LRP2: variants seen among roughly 807,000 people sequenced by gnomAD.
LRP2 encodes LDL receptor related protein 2.
Under a neutral mutation model 531.0 loss-of-function variants are expected in LRP2, and 172 were observed. The observed-to-expected ratio is 0.32, with a 90% CI of 0.29 to 0.37. The LOEUF is 0.37. LRP2 is among the 10% of genes least tolerant of loss of function. The pLI, the probability that LRP2 is intolerant of heterozygous loss-of-function variation, is 1.00. For synonymous variants in LRP2, 1,992 were observed against 2,027.6 expected, an observed-to-expected ratio of 0.98 and a Z score of 0.47; for missense variants, 5,167 against 5,868.3, an observed-to-expected ratio of 0.88 and a Z score of 3.90.
At chr2:169,200,908 C>G (rs955226762) in intron 44 of LRP2, among the ~76,000 whole-genome samples, 1 of 152,112 alleles carries the variant, frequency 6.6e-6, no homozygotes, top group Non-Finnish European at 1.5e-5. Flanking sequence ...CAGGCTGACA[C>G]CAGAATCCAC....
intron 4 of LRP2, among the ~76,000 whole-genome samples, chr2:169,303,216 T>A (rs1406338937): frequency 1.3e-5 from 2 of 152,106 alleles, no homozygotes; most frequent in Non-Finnish European, 2.9e-5. Flanking sequence ...CTAAAAAAGG[T>A]TTAGACAATA....
Position 169,237,277 on chromosome 2 carries a change from C to T in LRP2, c.4517G>A (p.Ser1506Asn). 6.2e-7 allele frequency: 1 copy of T among 1,612,158 alleles called. No homozygotes were observed. Among genetic ancestry groups the T allele is most frequent in the Non-Finnish European group, 8.5e-7 (1 of 1,178,460 alleles). The change falls in exon 28 of 79, where the codon AGT becomes AAT. Residue 1506 changes from serine (S) to asparagine (N), a missense_variant. Transcript: ENST00000649046. Reference protein sequence around the residue: ...NGTDRRVVFDSSIILTETIAI... With the variant: ...NGTDRRVVFDNSIILTETIAI... ...AATAGTTTCAGTCAAGATGATGCTA[C>T]TGTCAAATACCTAAAGACAAAAGTG...
chr2:169,177,669 T>A, intron 53 of LRP2, 134 bp downstream of exon 53: 1 of 822,406 alleles, frequency 1.2e-6, no homozygotes, highest in East Asian at 2.4e-5. Flanking sequence ...CTGTCAACTT[T>A]CAGCATATGC....
intron 48 of LRP2, among the ~76,000 whole-genome samples, chr2:169,189,997 G>T (rs752850137): frequency 6.6e-6 from 1 of 152,142 alleles, no homozygotes; most frequent in Non-Finnish European, 1.5e-5. Context: ...CAGAATGGGA[G>T]GAATAAAGGA....
chr2:169,260,877 A>G (rs1690519127), intron 16 of LRP2, among the ~76,000 whole-genome samples: 2 of 151,828 alleles, frequency 1.3e-5, no homozygotes, highest in South Asian at 4.2e-4. Flanking sequence ...CTAGAAAAAA[A>G]AAAATGATCA....
intron 29 of LRP2, among the ~76,000 whole-genome samples, chr2:169,235,150 G>A (rs149415584): frequency 0.014 from 2,076 of 151,894 alleles, 21 homozygotes; most frequent in South Asian, 0.021. Context: ...GGGCTCAAGC[G>A]ATCCACCAAC....
chr2:169,198,959 T>A (rs189252454), intron 44 of LRP2, 48 bp from the exon 45 acceptor site: 1 of 1,594,200 alleles, frequency 6.3e-7, no homozygotes, highest in Admixed American at 1.7e-5. Flanking sequence ...CCACCAAATA[T>A]GTATTATGAA....
chr2:169,217,773 G>A (rs925459542), intron 34 of LRP2, among the ~76,000 whole-genome samples: 2 of 151,882 alleles, frequency 1.3e-5, no homozygotes, highest in South Asian at 2.1e-4. Context: ...CATAAATTTC[G>A]AATTCCTTCC....
intron 1 of LRP2, among the ~76,000 whole-genome samples, chr2:169,323,167 A>G (rs957739081): frequency 2.0e-5 from 3 of 152,244 alleles, no homozygotes; most frequent in African/African-American, 7.2e-5. Context: ...AGTGATTTTC[A>G]CACTTGATCT....
At position 169,272,807 on chromosome 2, in the gene LRP2, G is replaced by T. The variant is rs1389450907; in HGVS notation, c.2116+120C>A. 4 of 1,288,432 alleles carry T rather than the reference G, an allele frequency of 3.1e-6. No individual in the cohort carries two copies. The Admixed American group carries it at 5.0e-5, about 16-fold the overall frequency. The allele number at this position is 1,288,432 out of a possible 1,614,324, so 79.8% of individuals were successfully genotyped here. On this transcript the variant is annotated intron_variant, in intron 15 of 78. Transcript: ENST00000649046. ...CCTGTGGGCTACAGAAAGCTTATTT[G>T]CAGTCAAGAAGTTAGACAGGGAGCT...
intron 1 of LRP2, among the ~76,000 whole-genome samples, chr2:169,348,561 A>G (rs1451296513): frequency 6.6e-6 from 1 of 152,206 alleles, no homozygotes. Flanking sequence ...TCATGGTCTC[A>G]GACAGCTTTC....
chr2:169,306,320 G>C (rs1684417257), intron 4 of LRP2, among the ~76,000 whole-genome samples: 1 of 152,030 alleles, frequency 6.6e-6, no homozygotes, highest in South Asian at 2.1e-4. Context: ...GATCACCTGA[G>C]GTCAGAAGTT....
rs987857607 is a variant in LRP2 at position 169,200,548 on chromosome 2, C to T, written c.8452+1080G>A. 2.0e-5 allele frequency among the ~76,000 whole-genome samples: 3 copies of T among 152,268 alleles called. No homozygotes were observed. In the East Asian group the frequency reaches 5.8e-4, roughly 29 times the overall value. Reference sequence around the variant, plus strand: ...TGGACAACTGGGCACCAAGAAAAAACAGTTGACAGCACTGTATTAAAACTC... The same window carrying T: ...TGGACAACTGGGCACCAAGAAAAAATAGTTGACAGCACTGTATTAAAACTC... On this transcript the variant is annotated intron_variant, in intron 44 of 78. Transcript: ENST00000649046.
chr2:169,227,719 C>T (rs573244159), intron 31 of LRP2, among the ~76,000 whole-genome samples: 1 of 152,048 alleles, frequency 6.6e-6, no homozygotes, highest in Non-Finnish European at 1.5e-5. Context: ...TTAGCTTTTT[C>T]TTGTTCCTAT....
At position 169,127,533 on chromosome 2, in the gene LRP2, TAA is replaced by T. The variant is rs3083240; in HGVS notation, c.*1128_*1129del. 8 of 64,690 alleles carry T rather than the reference TAA, an allele frequency of 1.2e-4. No homozygotes were observed. The highest frequency in any genetic ancestry group is 2.8e-4 in the African/African-American group (4 of 14,098). The allele number at this position is 64,690 out of a possible 1,614,324, so 4.0% of individuals were successfully genotyped here. A position where few individuals can be genotyped will look rare whatever the true frequency, so the allele number is the denominator to read the frequency against. On this transcript the variant is annotated 3_prime_UTR_variant, in exon 79 of 79. Coordinates refer to ENST00000649046, the MANE Select transcript of LRP2 (RefSeq NM_004525.3). ...TGGCAATATAGCAAGACTCCATCTC[TAA>T]AAAAAAAAAAAAAAAAAAAACCAAT...
chr2:169,193,928 T>G, intron 46 of LRP2, 36 bp from the exon 47 acceptor site: 1 of 1,613,758 alleles, frequency 6.2e-7, no homozygotes, highest in Non-Finnish European at 8.5e-7. Context: ...TGAAAAAAAG[T>G]GGTTTACAGT....
Position 169,273,549 on chromosome 2 carries a change from T to C in LRP2, c.1976-482A>G, listed in dbSNP as rs376729917. Among the ~76,000 whole-genome samples the C allele has an allele frequency of 3.3e-5, 5 of 152,278 alleles. No individual in the cohort carries two copies. The East Asian group carries it at 9.7e-4, about 29-fold the overall frequency. Reference sequence around the variant, plus strand: ...CCAAGAATCTAAACAGTTAAATAACTTGCCCAACATTATTCAGCAGCTAAA... The same window carrying C: ...CCAAGAATCTAAACAGTTAAATAACCTGCCCAACATTATTCAGCAGCTAAA... On this transcript the variant is annotated intron_variant, in intron 14 of 78. Coordinates refer to ENST00000649046, the MANE Select transcript of LRP2 (RefSeq NM_004525.3).
intron 1 of LRP2, among the ~76,000 whole-genome samples, chr2:169,332,204 T>C (rs1423625800): frequency 1.3e-5 from 2 of 152,228 alleles, no homozygotes; most frequent in African/African-American, 4.8e-5. Context: ...TGACTCTCAA[T>C]TGGTAGATTT....
chr2:169,169,409 G>GT (rs1334831778), intron 60 of LRP2, among the ~76,000 whole-genome samples: 4 of 152,160 alleles, frequency 2.6e-5, no homozygotes, highest in African/African-American at 4.8e-5. Flanking sequence ...TACCTGAAAT[G>GT]TTTTTTATCT....
Sources: allele counts gnomAD v4.1 joint callset (sites outside exome capture counted in the v4.1 genomes callset), GRCh38; gene constraint gnomAD v4.1.1; transcripts MANE v1.5; gene names NCBI Gene and HGNC (gene_info 2026-07-23, HGNC 2026-07-21).